The following LILRA2 variants were observed in gnomAD, a reference collection of about 807,000 sequenced individuals.
LILRA2 encodes leukocyte immunoglobulin-like receptor subfamily A member 2.
LILRA2 carries 45 observed loss-of-function variants against 47.9 expected under a neutral mutation model. The ratio of observed to expected loss-of-function variants is 0.94; its 90% CI spans 0.74 to 1.20. LILRA2 has a LOEUF of 1.20. Ranked by LOEUF, LILRA2 falls within the 50% of genes most tolerant of loss-of-function variation. LILRA2 has a pLI of 0.00. For synonymous variants in LILRA2, 279 were observed against 249.2 expected (o/e 1.12, Z -1.13); for missense variants, 651 against 598.2 (o/e 1.09, Z -0.92).
Position 54,587,535 on chromosome 19 carries a change from C to T in LILRA2, c.*189C>T, listed in dbSNP as rs2062851536. 2.0e-6 allele frequency: 2 copies of T among 1,008,512 alleles called. No homozygotes were observed. Among genetic ancestry groups the T allele is most frequent in the African/African-American group, 1.6e-5 (1 of 61,382 alleles). The allele number at this position is 1,008,512 out of a possible 1,614,324, so 62.5% of individuals were successfully genotyped here. A position where few individuals can be genotyped will look rare whatever the true frequency, so the allele number is the denominator to read the frequency against. ...GGGTGATTCCTAGAAGATCATTAAA[C>T]TGTGGTACATTTTTTTGTCTATGAA... On this transcript the variant is annotated 3_prime_UTR_variant, in exon 8 of 8. Transcript: ENST00000391738.
chr19:54,574,324 T>A lies in LILRA2; in HGVS notation c.94T>A (p.Trp32Arg). ...AGGGCACCTCCCCAAGCCCACCCTC[T>A]GGGCTGAGCCAGGCTCTGTGATCAT... ...QAGHLPKPTL[W>R]AEPGSVIIQG... The change falls in exon 3 of 8, where the codon TGG becomes AGG. Residue 32 changes from tryptophan (W) to arginine (R), a missense_variant. Transcript: ENST00000391738. 6.2e-7 allele frequency: 1 copy of A among 1,614,242 alleles called. No individual in the cohort carries two copies. The highest frequency in any genetic ancestry group is 1.1e-5 in the South Asian group (1 of 91,090).
rs1425073262 is a variant in LILRA2, at chr19:54,574,896, G to A, written c.518G>A (p.Arg173His). ...PQRLNSHSHA[R>H]GWSWAIFSVG... ...CGCCTGAACTCCCATTCCCATGCCC[G>A]TGGGTGGTCCTGGGCCATCTTCTCC... The change falls in exon 4 of 8, where the codon CGT (arginine) becomes CAT (histidine). Residue 173 changes from arginine to histidine, a missense_variant. Coordinates refer to ENST00000391738, the MANE Select transcript of LILRA2 (RefSeq NM_001130917.3). 5.6e-6 allele frequency: 9 copies of A among 1,614,064 alleles called. No homozygotes were observed. The highest frequency in any genetic ancestry group is 1.3e-5 in the African/African-American group (1 of 74,948).
intron 6 of LILRA2, among the ~76,000 whole-genome samples, chr19:54,585,580 G>A (rs1460231880): frequency 6.6e-6 from 1 of 152,220 alleles, no homozygotes; most frequent in Non-Finnish European, 1.5e-5. Context: ...AGGCTCCGTG[G>A]GTGTGAGACC....
intron 6 of LILRA2, chr19:54,577,569 G>A: frequency 3.1e-6 from 4 of 1,289,708 alleles, no homozygotes; most frequent in Non-Finnish European, 4.0e-6. Flanking sequence ...CTGTGATGAG[G>A]CTGGAGTCCA....
intron 6 of LILRA2, among the ~76,000 whole-genome samples, chr19:54,584,258 G>T (rs567650661): frequency 1.4e-4 from 22 of 152,208 alleles, no homozygotes; most frequent in African/African-American, 5.3e-4. Flanking sequence ...TCTTTGGGTT[G>T]CTCTTCTCAA....
intron 6 of LILRA2, among the ~76,000 whole-genome samples, chr19:54,585,376 G>A (rs1366765029): frequency 6.6e-6 from 1 of 152,226 alleles, no homozygotes; most frequent in Non-Finnish European, 1.5e-5. Flanking sequence ...GTTCTACTAT[G>A]CCCTGCCCCC....
intron 6 of LILRA2, among the ~76,000 whole-genome samples, chr19:54,577,266 C>A (rs1310798684): frequency 1.3e-5 from 2 of 152,082 alleles, no homozygotes; most frequent in African/African-American, 4.8e-5. Flanking sequence ...CTCTGCAGGA[C>A]CCCCAGCCCC....
rs181649025 is a variant in LILRA2 at position 54,587,840 on chromosome 19, C to A, written c.*494C>A. The A allele has an allele frequency of 4.4e-3, 728 of 166,884 alleles. No homozygotes were observed. The South Asian group carries it at 0.074, about 17-fold the overall frequency. 10.3% of individuals were successfully genotyped at this position (166,884 alleles called of 1,614,324 possible). On this transcript the variant is annotated 3_prime_UTR_variant, in exon 8 of 8. Transcript: ENST00000391738. The stretch of plus-strand genomic sequence containing the variant: ...ATAAATCCACCCTGCTGCCCTGACA[C>A]CCTCTCTGTACCTTATGAGCCCTTC...
rs550623983 is a variant in LILRA2, at chr19:54,589,631, G to A, written c.*2285G>A. On this transcript the variant is annotated 3_prime_UTR_variant, in exon 8 of 8. Coordinates refer to ENST00000391738, the MANE Select transcript of LILRA2 (RefSeq NM_001130917.3). ...TCATCCCAGTATCATAAATCAAAAG[G>A]CTTAAAATTAGTTATCTCCCTCTAG... The A allele has an allele frequency of 3.9e-5, 6 of 152,226 alleles. No individual in the cohort carries two copies. Among genetic ancestry groups the A allele is most frequent in the South Asian group, 4.2e-4 (2 of 4,804 alleles). The allele number at this position is 152,226 out of a possible 1,614,324, so 9.4% of individuals were successfully genotyped here.
At position 54,587,635 on chromosome 19, in the gene LILRA2, G is replaced by T; in HGVS notation, c.*289G>T. On this transcript the variant is annotated 3_prime_UTR_variant, in exon 8 of 8. Transcript: ENST00000391738. ...AGGCTCCATCCCACATGGCACCGTTGGGTCCACACCTCCACACACCTGTGT... is the reference window on the plus strand; with the variant it reads ...AGGCTCCATCCCACATGGCACCGTTTGGTCCACACCTCCACACACCTGTGT... The T allele has an allele frequency of 1.9e-6, 1 of 514,474 alleles. No homozygotes were observed. The highest frequency in any genetic ancestry group is 3.5e-6 in the Non-Finnish European group (1 of 287,646). The allele number at this position is 514,474 out of a possible 1,614,324, so 31.9% of individuals were successfully genotyped here. A position where few individuals can be genotyped will look rare whatever the true frequency, so the allele number is the denominator to read the frequency against.
intron 6 of LILRA2, among the ~76,000 whole-genome samples, chr19:54,585,695 T>A (rs771200765): frequency 2.0e-5 from 3 of 152,218 alleles, no homozygotes; most frequent in Non-Finnish European, 4.4e-5. Flanking sequence ...GGATACAGTC[T>A]GTCACGGCTT....
At position 54,574,864 on chromosome 19, in the gene LILRA2, C is replaced by G; in HGVS notation, c.486C>G (p.His162Gln). 6.2e-7 allele frequency: 1 copy of G among 1,614,214 alleles called. No individual in the cohort carries two copies. The highest frequency in any genetic ancestry group is 8.5e-7 in the Non-Finnish European group (1 of 1,180,030). ...TGTGTAAGGAAGGAGAAGATGAACACCCACAACGCCTGAACTCCCATTCCC... is the reference window on the plus strand; with the variant it reads ...TGTGTAAGGAAGGAGAAGATGAACAGCCACAACGCCTGAACTCCCATTCCC... ...FILCKEGEDEHPQRLNSHSHA... is the reference protein window; with the variant it reads ...FILCKEGEDEQPQRLNSHSHA... The change falls in exon 4 of 8, where the codon CAC becomes CAG. Residue 162 changes from histidine to glutamine, a missense_variant. Coordinates refer to ENST00000391738, the MANE Select transcript of LILRA2 (RefSeq NM_001130917.3).
At chr19:54,573,338 C>T (rs1600183964), upstream of LILRA2, 24 of 653,840 alleles carry the variant, frequency 3.7e-5, no homozygotes, top group East Asian at 7.8e-4. Flanking sequence ...AGCTACACAG[C>T]CAGGTGTCAG....
chr19:54,575,484 G>C lies in LILRA2; in HGVS notation c.884G>C (p.Cys295Ser), dbSNP rs563039559. 1.2e-5 allele frequency: 19 copies of C among 1,613,328 alleles called. No homozygotes were observed. The highest frequency in any genetic ancestry group is 3.3e-5 in the Admixed American group (2 of 60,016). Residue 295 changes from cysteine (C) to serine (S), a missense_variant, in exon 5 of 8, where the codon TGC becomes TCC. Coordinates refer to ENST00000391738, the MANE Select transcript of LILRA2 (RefSeq NM_001130917.3). ...CCCTCCCACGGGGGCCAGTACAGATGCTACAGTGCACACAACCTCTCCTCC... is the reference window on the plus strand; with the variant it reads ...CCCTCCCACGGGGGCCAGTACAGATCCTACAGTGCACACAACCTCTCCTCC... ...VSPSHGGQYR[C>S]YSAHNLSSEW...
chr19:54,573,626 G>A, upstream of LILRA2: 4 of 837,284 alleles, frequency 4.8e-6, no homozygotes, highest in Non-Finnish European at 7.5e-6. Flanking sequence ...ACAGACAGTG[G>A]CTGGGGGGCA....
In LILRA2 at chr19:54,587,589, T is replaced by C. The variant is rs1019257225; in HGVS notation, c.*243T>C. ...TGACTTCCCTTGACTGGATCCCCTT[T>C]TTTTCCCATCCCCAGACATGAGGCT... On this transcript the variant is annotated 3_prime_UTR_variant, in exon 8 of 8. Transcript: ENST00000391738. 7.1e-3 allele frequency: 4,772 copies of C among 671,994 alleles called. No homozygotes were observed. The South Asian group carries it at 0.072, about 10-fold the overall frequency. The allele number at this position is 671,994 out of a possible 1,614,324, so 41.6% of individuals were successfully genotyped here.
chr19:54,574,718 C>T lies in LILRA2; in HGVS notation c.353-13C>T. 1 of 1,613,244 alleles carries T rather than the reference C, an allele frequency of 6.2e-7. No individual in the cohort carries two copies. Among genetic ancestry groups the T allele is most frequent in the African/African-American group, 1.3e-5 (1 of 75,046 alleles). On this transcript the variant is annotated splice_polypyrimidine_tract_variant and intron_variant, in intron 3 of 7. Transcript: ENST00000391738. ...GGGAGCCCCATTTAACACAGTGCCT[C>T]CTTCTCTCCTAGGAGCCTACAGCAA...
intron 6 of LILRA2, among the ~76,000 whole-genome samples, chr19:54,586,138 A>G (rs2062798798): frequency 6.6e-6 from 1 of 152,054 alleles, no homozygotes; most frequent in Non-Finnish European, 1.5e-5. Flanking sequence ...ATAACTACAT[A>G]ATAAATACAT....
At chr19:54,573,232 C>T (rs2062197790), upstream of LILRA2, 16 of 463,326 alleles carry the variant, frequency 3.5e-5, no homozygotes, top group South Asian at 3.4e-4. Context: ...CCTTCACCCA[C>T]CTCAGCCTCC....
Sources: allele counts gnomAD v4.1 joint callset (sites outside exome capture counted in the v4.1 genomes callset), GRCh38; gene constraint gnomAD v4.1.1; transcripts MANE v1.5; gene names NCBI Gene and HGNC (gene_info 2026-07-23, HGNC 2026-07-21).